The following STMN2 variants were observed in gnomAD, a reference collection of about 807,000 sequenced individuals.
STMN2 encodes stathmin-2.
STMN2 carries 2 observed loss-of-function variants against 24.1 expected under a neutral mutation model. That is an observed-to-expected ratio of 0.08 (90% CI 0.03 to 0.26). The LOEUF is 0.26. Among genes scored for constraint, STMN2 ranks in the 10% least tolerant of loss-of-function variants. The probability of loss-of-function intolerance (pLI) is 1.00; values close to 1 mark genes in which losing one functional copy is unlikely to be tolerated. For missense variants in STMN2, 114 were observed against 213.6 expected, an observed-to-expected ratio of 0.53 and a Z score of 2.91; for synonymous variants, 83 against 77.5, an observed-to-expected ratio of 1.07 and a Z score of -0.37.
intron 3 of STMN2, among the ~76,000 whole-genome samples, chr8:79,645,689 C>A: frequency 6.6e-6 from 1 of 152,106 alleles, no homozygotes; most frequent in Admixed American, 6.6e-5. Flanking sequence ...TTAGGATGTA[C>A]TGTAAGTAAT....
intron 1 of STMN2, among the ~76,000 whole-genome samples, chr8:79,615,888 A>G (rs1054829336): frequency 9.6e-4 from 146 of 152,304 alleles, no homozygotes; most frequent in African/African-American, 3.3e-3. Flanking sequence ...TTATAATACC[A>G]TTTATGTTAC....
chr8:79,664,951 A>T lies in STMN2; in HGVS notation c.*77A>T. ...TTATAATGGATCATGCGATATCAGG[A>T]TGGGGAATGTATGACATGGTTTAAA... On this transcript the variant is annotated 3_prime_UTR_variant, in exon 5 of 5. Transcript: ENST00000220876. The T allele has an allele frequency of 1.6e-6, 2 of 1,248,880 alleles. No homozygotes were observed. The highest frequency in any genetic ancestry group is 2.7e-5 in the East Asian group (1 of 37,690). 77.4% of individuals were successfully genotyped at this position (1,248,880 alleles called of 1,614,324 possible). A position where few individuals can be genotyped will look rare whatever the true frequency, so the allele number is the denominator to read the frequency against.
intron 1 of STMN2, among the ~76,000 whole-genome samples, chr8:79,635,254 G>A (rs1809915974): frequency 6.6e-6 from 1 of 152,142 alleles, no homozygotes; most frequent in East Asian, 1.9e-4. Flanking sequence ...GCATGGCAAG[G>A]TTGGCACACA....
At chr8:79,659,231 C>A (rs956872423) in intron 4 of STMN2, among the ~76,000 whole-genome samples, 2 of 152,128 alleles carry the variant, frequency 1.3e-5, no homozygotes, top group Non-Finnish European at 2.9e-5. Context: ...GCCTGTGCCA[C>A]AAAGGCCTGC....
chr8:79,663,567 T>G, intron 4 of STMN2: 1 of 1,496,580 alleles, frequency 6.7e-7, no homozygotes, highest in Non-Finnish European at 8.9e-7. Flanking sequence ...TAACGATAAG[T>G]TTTACTTTAT....
chr8:79,664,943 A>C lies in STMN2; in HGVS notation c.*69A>C. ...TGCCTATATTATAATGGATCATGCG[A>C]TATCAGGATGGGGAATGTATGACAT... On this transcript the variant is annotated 3_prime_UTR_variant, in exon 5 of 5. Coordinates refer to ENST00000220876, the MANE Select transcript of STMN2 (RefSeq NM_007029.4). 1 of 1,393,394 alleles carries C rather than the reference A, an allele frequency of 7.2e-7. No individual in the cohort carries two copies. The highest frequency in any genetic ancestry group is 2.5e-5 in the East Asian group (1 of 40,564). 86.3% of individuals were successfully genotyped at this position (1,393,394 alleles called of 1,614,324 possible).
intron 1 of STMN2, among the ~76,000 whole-genome samples, chr8:79,633,900 G>A (rs75029250): frequency 0.045 from 6,846 of 152,238 alleles, 304 homozygotes; most frequent in East Asian, 0.23. Flanking sequence ...CATAATTAGG[G>A]CAGTGGCCTT....
chr8:79,647,816 T>A, intron 3 of STMN2, among the ~76,000 whole-genome samples: 1 of 152,244 alleles, frequency 6.6e-6, no homozygotes, highest in Non-Finnish European at 1.5e-5. Flanking sequence ...TTGAACCTCA[T>A]CTCTTGAAAT....
chr8:79,618,876 T>C (rs1809446344), intron 1 of STMN2, among the ~76,000 whole-genome samples: 1 of 152,172 alleles, frequency 6.6e-6, no homozygotes, highest in Non-Finnish European at 1.5e-5. Flanking sequence ...TATTATACTA[T>C]AAAACCATAA....
intron 2 of STMN2, among the ~76,000 whole-genome samples, chr8:79,639,691 C>T (rs1289874719): frequency 2.0e-5 from 3 of 152,076 alleles, no homozygotes; most frequent in Non-Finnish European, 4.4e-5. Flanking sequence ...AACCATTCTT[C>T]AGTTCTTTTT....
chr8:79,628,832 C>G (rs1231594876), intron 1 of STMN2, among the ~76,000 whole-genome samples: 7 of 151,920 alleles, frequency 4.6e-5, no homozygotes, highest in African/African-American at 1.5e-4. Context: ...ATATTTTGAC[C>G]CTGTTTGTGA....
intron 2 of STMN2, among the ~76,000 whole-genome samples, chr8:79,638,439 G>A (rs911061256): frequency 3.0e-4 from 46 of 152,166 alleles, no homozygotes; most frequent in African/African-American, 1.0e-3. Flanking sequence ...TGTATTTAAA[G>A]TTGAATAGAT....
intron 1 of STMN2, among the ~76,000 whole-genome samples, chr8:79,612,069 C>T (rs1221168468): frequency 1.8e-4 from 18 of 97,454 alleles, no homozygotes; most frequent in Non-Finnish European, 3.5e-4. Context: ...CGCGCAGCCC[C>T]GCCCCCCCGC....
At chr8:79,618,030 T>C (rs1809423662) in intron 1 of STMN2, among the ~76,000 whole-genome samples, 1 of 152,262 alleles carries the variant, frequency 6.6e-6, no homozygotes, top group Non-Finnish European at 1.5e-5. Flanking sequence ...GCCATCTGGC[T>C]TCGGAATCCA....
intron 4 of STMN2, chr8:79,663,732 A>G: frequency 1.6e-6 from 2 of 1,248,044 alleles, no homozygotes; most frequent in Non-Finnish European, 2.2e-6. Context: ...AATTCAATGA[A>G]CATTTATTTA....
intron 1 of STMN2, 22 bp downstream of exon 1, chr8:79,611,236 T>G: frequency 6.2e-7 from 1 of 1,613,892 alleles, no homozygotes; most frequent in South Asian, 1.1e-5. Flanking sequence ...CGCCTCGTTC[T>G]CCGTCGGCTC....
intron 4 of STMN2, among the ~76,000 whole-genome samples, chr8:79,656,526 G>A (rs557250575): frequency 2.6e-5 from 4 of 152,146 alleles, no homozygotes; most frequent in Non-Finnish European, 5.9e-5. Flanking sequence ...GGGGAGCAAA[G>A]TTCCATTTGC....
chr8:79,619,497 G>A (rs891700294), intron 1 of STMN2, among the ~76,000 whole-genome samples: 3 of 151,928 alleles, frequency 2.0e-5, no homozygotes, highest in Admixed American at 6.6e-5. Flanking sequence ...TAACTCACAC[G>A]AAACAACCCC....
intron 1 of STMN2, among the ~76,000 whole-genome samples, chr8:79,624,692 A>T (rs1350069180): frequency 6.6e-6 from 1 of 152,194 alleles, no homozygotes; most frequent in East Asian, 1.9e-4. Flanking sequence ...CTATGAATAC[A>T]TACGGTGAGG....
Sources: allele counts gnomAD v4.1 joint callset (sites outside exome capture counted in the v4.1 genomes callset), GRCh38; gene constraint gnomAD v4.1.1; transcripts MANE v1.5; gene names NCBI Gene and HGNC (gene_info 2026-07-23, HGNC 2026-07-21).